The following ARFGEF2 variants were observed in gnomAD, a reference collection of about 807,000 sequenced individuals.
ARFGEF2 encodes brefeldin A-inhibited guanine nucleotide-exchange protein 2.
Under a neutral mutation model 219.9 loss-of-function variants are expected in ARFGEF2, and 74 were observed. The ratio of observed to expected loss-of-function variants is 0.34; its 90% confidence interval spans 0.28 to 0.41. ARFGEF2 has a LOEUF of 0.41. Among genes scored for constraint, ARFGEF2 ranks in the 10% least tolerant of loss-of-function variants. ARFGEF2 has a pLI of 1.00. For synonymous variants in ARFGEF2, 733 were observed against 799.2 expected (o/e 0.92, Z 1.40); for missense variants, 1,743 against 2,218.3 (o/e 0.79, Z 4.30).
intron 37 of ARFGEF2, among the ~76,000 whole-genome samples, chr20:49,030,691 A>G (rs2091629097): frequency 1.3e-5 from 2 of 152,176 alleles, no homozygotes; most frequent in African/African-American, 2.4e-5. Context: ...ACAGTCTCAT[A>G]AAGTTTCTCT....
intron 25 of ARFGEF2, among the ~76,000 whole-genome samples, chr20:49,000,241 G>C (rs2091417453): frequency 6.6e-6 from 1 of 152,194 alleles, no homozygotes; most frequent in African/African-American, 2.4e-5. Flanking sequence ...TTTTCCATCA[G>C]CTCAAATTAA....
chr20:48,957,992 T>C (rs955284072), intron 6 of ARFGEF2, among the ~76,000 whole-genome samples: 3 of 152,214 alleles, frequency 2.0e-5, no homozygotes, highest in Admixed American at 1.3e-4. Flanking sequence ...TCCATGCTGA[T>C]GTGAAATTTT....
chr20:49,011,840 T>TGC, intron 27 of ARFGEF2, 84 bp from the exon 28 acceptor site: 1 of 1,331,834 alleles, frequency 7.5e-7, no homozygotes, highest in South Asian at 1.2e-5. Context: ...TATGTGTGTG[T>TGC]GTGTGTGTGT....
intron 30 of ARFGEF2, among the ~76,000 whole-genome samples, chr20:49,015,488 T>A (rs1414436431): frequency 6.6e-6 from 1 of 152,216 alleles, no homozygotes; most frequent in African/African-American, 2.4e-5. Flanking sequence ...TATGAACATT[T>A]AGGTTGCTTT....
rs138667515 is a variant in ARFGEF2 at position 48,942,541 on chromosome 20, A to G, written c.276+554A>G. On this transcript the variant is annotated intron_variant, in intron 3 of 38. Coordinates refer to ENST00000371917, the MANE Select transcript of ARFGEF2 (RefSeq NM_006420.3). ...CTCTTGTTGCCCAGACTGGAGTGCA[A>G]TGGCGCGACCTCAGCTCACTGCAAC... is the stretch of plus-strand genomic sequence containing the variant. Among the ~76,000 whole-genome samples, 1,067 of 133,234 alleles carry G rather than the reference A, an allele frequency of 8.0e-3. 13 individuals carry two copies. The highest frequency in any genetic ancestry group is 0.029 in the African/African-American group (966 of 33,584). 87.4% of individuals were successfully genotyped at this position (133,234 alleles called of 152,430 possible). A position where few individuals can be genotyped will look rare whatever the true frequency, so the allele number is the denominator to read the frequency against.
intron 25 of ARFGEF2, 136 bp downstream of exon 25, chr20:48,998,641 C>T (rs2091406407): frequency 1.2e-6 from 1 of 842,798 alleles, no homozygotes; most frequent in Admixed American, 2.3e-5. Flanking sequence ...CAGTCAAGGA[C>T]AGCTTGATAG....
chr20:48,976,560 G>A, intron 14 of ARFGEF2, among the ~76,000 whole-genome samples: 1 of 152,158 alleles, frequency 6.6e-6, no homozygotes, highest in East Asian at 1.9e-4. Context: ...TGTAATCCCA[G>A]CACTTTAGGA....
rs757149873 is a variant in ARFGEF2 at position 49,023,158 on chromosome 20, G to C, written c.4732G>C (p.Ala1578Pro). ...FYPATSKKED[A>P]EHMVAAQQDT... ...CCCTGCGACGAGCAAAAAGGAGGAT[G>C]CAGAGCACATGGTTGCCGCCCAGGT... Residue 1578 changes from alanine (A) to proline (P), a missense_variant, in exon 35 of 39, where the codon GCA becomes CCA. Physicochemically the swap from Ala to Pro is conservative, Grantham distance 27. Around this residue, in one of 5 missense-constraint regions of ARFGEF2, gnomAD observed 578 missense variants for 664.0 expected, o/e 0.87. Coordinates refer to ENST00000371917, the MANE Select transcript of ARFGEF2 (RefSeq NM_006420.3). 3 of 1,614,210 alleles carry C rather than the reference G, an allele frequency of 1.9e-6. No homozygotes were observed. Among genetic ancestry groups the C allele is most frequent in the Non-Finnish European group, 2.5e-6 (3 of 1,180,024 alleles).
intron 25 of ARFGEF2, 81 bp downstream of exon 25, chr20:48,998,586 T>G: frequency 6.8e-7 from 1 of 1,480,152 alleles, no homozygotes; most frequent in Non-Finnish European, 9.2e-7. Context: ...AAGTGATAAA[T>G]AATTTGCCCT....
intron 6 of ARFGEF2, among the ~76,000 whole-genome samples, chr20:48,958,849 T>C (rs1226438773): frequency 6.6e-6 from 1 of 152,122 alleles, no homozygotes; most frequent in Non-Finnish European, 1.5e-5. Flanking sequence ...GTGGTCCAAG[T>C]GTGATGGCAC....
chr20:48,978,295 T>C (rs1176345572), intron 14 of ARFGEF2, among the ~76,000 whole-genome samples: 1 of 152,136 alleles, frequency 6.6e-6, no homozygotes, highest in Non-Finnish European at 1.5e-5. Flanking sequence ...TGTAGATGCA[T>C]GGTATTTCTG....
intron 35 of ARFGEF2, among the ~76,000 whole-genome samples, 188 bp downstream of exon 35, chr20:49,023,369 A>G (rs1600555740): frequency 1.3e-5 from 2 of 152,284 alleles, no homozygotes; most frequent in Middle Eastern, 3.4e-3. Context: ...TACATCAGAG[A>G]AAAACAGCAA....
intron 35 of ARFGEF2, among the ~76,000 whole-genome samples, chr20:49,023,774 G>A (rs867424896): frequency 9.3e-4 from 142 of 151,984 alleles, no homozygotes; most frequent in African/African-American, 2.8e-3. Context: ...TCCTGACCTC[G>A]TGATCCGCCC....
chr20:49,027,959 C>G (rs1159980008), intron 36 of ARFGEF2, among the ~76,000 whole-genome samples: 1 of 152,088 alleles, frequency 6.6e-6, no homozygotes, highest in Non-Finnish European at 1.5e-5. Flanking sequence ...AAAACCCTCT[C>G]TGTACAAACA....
intron 1 of ARFGEF2, among the ~76,000 whole-genome samples, chr20:48,926,040 A>G (rs561533897): frequency 3.5e-4 from 53 of 152,350 alleles, no homozygotes; most frequent in Middle Eastern, 3.4e-3. Flanking sequence ...TTTTCATGCA[A>G]TTTAGTTCTC....
At chr20:48,924,050 A>G (rs1273103053) in intron 1 of ARFGEF2, among the ~76,000 whole-genome samples, 1 of 152,238 alleles carries the variant, frequency 6.6e-6, no homozygotes, top group East Asian at 1.9e-4. Context: ...AAGGGAACGT[A>G]TGCATATTGT....
intron 6 of ARFGEF2, among the ~76,000 whole-genome samples, chr20:48,963,175 C>CAAAAAAAAAGAAAAAAAAAAAAAAAAA (rs2091164733): frequency 9.0e-6 from 1 of 110,856 alleles, no homozygotes; most frequent in African/African-American, 4.2e-5. Context: ...AACTCTGTCT[C>CAAAAAAAAAGAAAAAAAAAAAAAAAAA]AAAAAAAAAA....
intron 3 of ARFGEF2, among the ~76,000 whole-genome samples, 153 bp downstream of exon 3, chr20:48,942,140 T>C (rs749511626): frequency 6.6e-6 from 1 of 152,168 alleles, no homozygotes; most frequent in Non-Finnish European, 1.5e-5. Flanking sequence ...GGAGATCTCA[T>C]GAGGGAGGGA....
In ARFGEF2 at chr20:49,023,156, A is replaced by T; in HGVS notation, c.4730A>T (p.Asp1577Val). ...VFYPATSKKE[D>V]AEHMVAAQQD... Reference sequence around the variant, plus strand: ...TACCCTGCGACGAGCAAAAAGGAGGATGCAGAGCACATGGTTGCCGCCCAG... The same window carrying T: ...TACCCTGCGACGAGCAAAAAGGAGGTTGCAGAGCACATGGTTGCCGCCCAG... The change falls in exon 35 of 39, where the codon GAT (aspartate) becomes GTT (valine). Residue 1577 changes from aspartate to valine, a missense_variant. Physicochemically the swap from Asp to Val is radical, Grantham distance 152. Transcript: ENST00000371917. 2 of 1,614,210 alleles carry T rather than the reference A, an allele frequency of 1.2e-6. No individual in the cohort carries two copies. Among genetic ancestry groups the T allele is most frequent in the South Asian group, 1.1e-5 (1 of 91,084 alleles).
Sources: gnomAD v4.1 joint callset for allele counts (sites outside exome capture counted in the v4.1 genomes callset) on GRCh38, gnomAD v4.1.1 for gene constraint, gnomAD v4.1.1 regional missense constraint, MANE v1.5 for transcripts, NCBI Gene and HGNC (gene_info 2026-07-23, HGNC 2026-07-21) for gene names.